EEIG2: variants seen among roughly 807,000 people sequenced by gnomAD.
EEIG2 encodes the protein family with sequence similarity 102 member B.
At chr1:108,628,512 T>A in the EEIG2 span, 1 of 1,613,924 alleles carries the variant, frequency 6.2e-7, no homozygotes, top group Non-Finnish European at 8.5e-7. Context: ...TGTGATGAAA[T>A]TGAGCAGAAA....
At chr1:108,605,810 A>G in the EEIG2 span, among the ~76,000 whole-genome samples, 4 of 152,198 alleles carry the variant, frequency 2.6e-5, no homozygotes, top group Non-Finnish European at 5.9e-5. Flanking sequence ...GTATCTCTTC[A>G]ATGATTCATA....
chr1:108,623,017 T>C, the EEIG2 span, among the ~76,000 whole-genome samples: 2 of 152,094 alleles, frequency 1.3e-5, no homozygotes, highest in Non-Finnish European at 1.5e-5. Flanking sequence ...GAAGGATCAC[T>C]TGAGACCAGG....
the EEIG2 span, among the ~76,000 whole-genome samples, chr1:108,591,261 T>G: frequency 1.3e-5 from 2 of 152,236 alleles, no homozygotes; most frequent in African/African-American, 4.8e-5. Flanking sequence ...TTTGGTTGTT[T>G]GTTTCATTTG....
At chr1:108,617,747 A>G in the EEIG2 span, among the ~76,000 whole-genome samples, 3 of 152,218 alleles carry the variant, frequency 2.0e-5, no homozygotes, top group Non-Finnish European at 4.4e-5. Context: ...AGAAACCACC[A>G]GTGTGATCAG....
chr1:108,605,812 T>G, the EEIG2 span, among the ~76,000 whole-genome samples: 1 of 152,256 alleles, frequency 6.6e-6, no homozygotes, highest in South Asian at 2.1e-4. Context: ...ATCTCTTCAA[T>G]GATTCATAAA....
chr1:108,589,417 T>C, the EEIG2 span, among the ~76,000 whole-genome samples: 21,303 of 152,166 alleles, frequency 0.14, 2,258 homozygotes, highest in African/African-American at 0.3. Context: ...CTCCTCATAG[T>C]AATCCGGCTT....
the EEIG2 span, among the ~76,000 whole-genome samples, chr1:108,617,277 C>T: frequency 6.6e-6 from 1 of 152,144 alleles, no homozygotes; most frequent in Non-Finnish European, 1.5e-5. Flanking sequence ...GTAAAATTAT[C>T]TGACTTGTGG....
At chr1:108,560,197 C>T in the EEIG2 span, 1 of 150,806 alleles carries the variant, frequency 6.6e-6, no homozygotes, top group East Asian at 2.0e-4. Flanking sequence ...AGCACGACCG[C>T]TCCCCGCGGG....
chr1:108,593,862 G>A, the EEIG2 span, among the ~76,000 whole-genome samples: 1 of 152,112 alleles, frequency 6.6e-6, no homozygotes, highest in Non-Finnish European at 1.5e-5. Context: ...CTAGTGTGCA[G>A]TGGCGCAATC....
At chr1:108,616,397 C>T in the EEIG2 span, 1 of 1,599,660 alleles carries the variant, frequency 6.3e-7, no homozygotes, top group Admixed American at 1.7e-5. Flanking sequence ...GATCAGTATG[C>T]AACTGATGTC....
chr1:108,593,053 G>C, the EEIG2 span, among the ~76,000 whole-genome samples: 1 of 152,164 alleles, frequency 6.6e-6, no homozygotes, highest in Non-Finnish European at 1.5e-5. Flanking sequence ...AGCTACTCGG[G>C]AGGCTGAGAC....
At chr1:108,562,334 GA>G in the EEIG2 span, among the ~76,000 whole-genome samples, 1 of 152,112 alleles carries the variant, frequency 6.6e-6, no homozygotes, top group Non-Finnish European at 1.5e-5. Context: ...GCAAGACTTA[GA>G]AATGAAAAAG....
the EEIG2 span, among the ~76,000 whole-genome samples, chr1:108,629,182 C>G: frequency 6.6e-5 from 10 of 152,226 alleles, 1 homozygote; most frequent in South Asian, 2.1e-3. Flanking sequence ...TAATGGAATC[C>G]TTCATTCCCT....
chr1:108,638,635 G>A, the EEIG2 span: 8 of 152,218 alleles, frequency 5.3e-5, no homozygotes, highest in East Asian at 1.9e-4. Flanking sequence ...TAGATGGTAC[G>A]TCATGTGAAT....
the EEIG2 span, chr1:108,612,366 T>G: frequency 9.9e-7 from 1 of 1,009,168 alleles, no homozygotes; most frequent in Non-Finnish European, 1.5e-6. Context: ...GTATATATTG[T>G]CAAGGACAAG....
chr1:108,576,090 G>A, the EEIG2 span, among the ~76,000 whole-genome samples: 5 of 152,024 alleles, frequency 3.3e-5, no homozygotes, highest in African/African-American at 9.7e-5. Context: ...CAAGCAATCC[G>A]CTCACCTCAG....
chr1:108,589,840 G>T, the EEIG2 span, among the ~76,000 whole-genome samples: 1 of 141,120 alleles, frequency 7.1e-6, no homozygotes, highest in African/African-American at 2.8e-5. Context: ...ACCCAGTCTG[G>T]AGTACAGTGG....
At chr1:108,565,815 C>A in the EEIG2 span, among the ~76,000 whole-genome samples, 1 of 152,136 alleles carries the variant, frequency 6.6e-6, no homozygotes, top group Non-Finnish European at 1.5e-5. Flanking sequence ...TAGTTCACTG[C>A]ACATTGTGTA....
At chr1:108,582,021 C>T in the EEIG2 span, among the ~76,000 whole-genome samples, 3 of 152,084 alleles carry the variant, frequency 2.0e-5, no homozygotes, top group African/African-American at 7.2e-5. Context: ...CCTTAACAAC[C>T]ACCACCCTGT....
Sources: allele counts gnomAD v4.1 joint callset (sites outside exome capture counted in the v4.1 genomes callset), GRCh38; gene constraint gnomAD v4.1.1; transcripts MANE v1.5; gene names NCBI Gene and HGNC (gene_info 2026-07-23, HGNC 2026-07-21).